DLG2: variants seen among roughly 807,000 people sequenced by gnomAD.
The protein encoded by DLG2 is discs large MAGUK scaffold protein 2.
A neutral mutation model predicts 132.5 loss-of-function variants in DLG2; 45 were observed. The ratio of observed to expected loss-of-function variants is 0.34; its 90% CI spans 0.27 to 0.44. The LOEUF is 0.44. Among genes scored for constraint, DLG2 ranks in the 20% least tolerant of loss-of-function variants. DLG2 has a pLI of 1.00. For missense variants in DLG2, 1,045 were observed against 1,196.9 expected (o/e 0.87, Z 1.87); for synonymous variants, 424 against 419.6 (o/e 1.01, Z -0.13).
Position 83,682,401 on chromosome 11 carries a change from C to T in DLG2, c.1826-49076G>A, listed in dbSNP as rs1014053296. 8 of 985,244 alleles carry T rather than the reference C, an allele frequency of 8.1e-6. No individual in the cohort carries two copies. The East Asian group carries it at 3.4e-4, about 42-fold the overall frequency. The allele number at this position is 985,244 out of a possible 1,614,324, so 61.0% of individuals were successfully genotyped here. A position where few individuals can be genotyped will look rare whatever the true frequency, so the allele number is the denominator to read the frequency against. ...TCTCGCTCACTGGGTACATATATTT[C>T]CTTGTAACTCATCCTGATAAATATA... On this transcript the variant is annotated intron_variant, in intron 18 of 27. Transcript: ENST00000376104.
At chr11:85,427,804 A>C (rs1306671185) in intron 3 of DLG2, among the ~76,000 whole-genome samples, 1 of 152,226 alleles carries the variant, frequency 6.6e-6, no homozygotes, top group Non-Finnish European at 1.5e-5. Flanking sequence ...AATGGACTAA[A>C]TGCTCCAATT....
chr11:84,959,502 G>C (rs2052213332), intron 6 of DLG2, among the ~76,000 whole-genome samples: 1 of 152,112 alleles, frequency 6.6e-6, no homozygotes, highest in Admixed American at 6.6e-5. Flanking sequence ...CTTTGTATCT[G>C]CTTCTTCAAG....
At chr11:84,636,001 A>G (rs2099639929) in intron 6 of DLG2, among the ~76,000 whole-genome samples, 1 of 152,236 alleles carries the variant, frequency 6.6e-6, no homozygotes, top group Admixed American at 6.5e-5. Context: ...AGAACTTGGT[A>G]GTTTACCATG....
intron 4 of DLG2, among the ~76,000 whole-genome samples, chr11:85,225,799 G>A (rs543363974): frequency 9.9e-5 from 15 of 152,048 alleles, no homozygotes; most frequent in Admixed American, 2.6e-4. Context: ...CTAAATTTCT[G>A]ACTACCATTT....
chr11:83,515,043 A>C (rs1346543045), intron 21 of DLG2, among the ~76,000 whole-genome samples: 1 of 152,124 alleles, frequency 6.6e-6, no homozygotes, highest in African/African-American at 2.4e-5. Flanking sequence ...TGGCCTCATA[A>C]AATGAGTTAG....
chr11:84,768,020 C>T (rs1317151855), intron 6 of DLG2, among the ~76,000 whole-genome samples: 1 of 152,150 alleles, frequency 6.6e-6, no homozygotes. Flanking sequence ...AGGACTCAAT[C>T]TGAGTCTCAA....
At chr11:84,098,321 G>A (rs1366480545) in intron 10 of DLG2, among the ~76,000 whole-genome samples, 3 of 152,100 alleles carry the variant, frequency 2.0e-5, no homozygotes, top group Non-Finnish European at 4.4e-5. Flanking sequence ...TTATAGGCGT[G>A]AGCCACTGAG....
intron 18 of DLG2, among the ~76,000 whole-genome samples, chr11:83,745,510 T>C (rs1308962915): frequency 1.3e-5 from 2 of 152,082 alleles, no homozygotes; most frequent in Non-Finnish European, 2.9e-5. Context: ...CTCAAGTCTT[T>C]CCTTTCTTAA....
intron 18 of DLG2, among the ~76,000 whole-genome samples, chr11:83,716,173 C>T (rs1162767790): frequency 3.3e-5 from 5 of 152,124 alleles, no homozygotes; most frequent in South Asian, 4.1e-4. Flanking sequence ...CAGGGAAGCA[C>T]GTGTTTTTTT....
chr11:85,269,805 G>C (rs1051195474), intron 4 of DLG2, among the ~76,000 whole-genome samples: 3 of 152,068 alleles, frequency 2.0e-5, no homozygotes, highest in African/African-American at 7.2e-5. Flanking sequence ...CTATCATTTT[G>C]AAAAGTATGT....
intron 15 of DLG2, among the ~76,000 whole-genome samples, chr11:83,908,483 C>A (rs144848613): frequency 8.6e-5 from 13 of 151,988 alleles, no homozygotes; most frequent in Non-Finnish European, 1.9e-4. Flanking sequence ...TGCACACACA[C>A]GAGCATATGC....
At chr11:83,722,284 C>T (rs979952650) in intron 18 of DLG2, among the ~76,000 whole-genome samples, 5 of 152,038 alleles carry the variant, frequency 3.3e-5, no homozygotes, top group East Asian at 1.9e-4. Flanking sequence ...TAAGAATTTT[C>T]CTGTTTTAAG....
intron 6 of DLG2, among the ~76,000 whole-genome samples, chr11:84,875,037 A>G (rs1192551348): frequency 2.0e-5 from 3 of 151,770 alleles, no homozygotes; most frequent in East Asian, 3.9e-4. Context: ...AAAAAAAAAA[A>G]AGAGAAAGAT....
In DLG2 at chr11:85,493,523, G is replaced by C. The variant is rs117133305; in HGVS notation, c.40+105134C>G. 5.5e-3 allele frequency among the ~76,000 whole-genome samples: 840 copies of C among 152,180 alleles called. 5 individuals are homozygous for C. Among genetic ancestry groups the C allele is most frequent in the Middle Eastern group, 0.01 (3 of 294 alleles). ...ATTTATAAACAATAGAAATTTAGCT[G>C]GGTTCACTGGCATGTGTCTGTAATA... On this transcript the variant is annotated intron_variant, in intron 3 of 27. Transcript: ENST00000376104.
At chr11:84,927,502 A>G (rs1039051460) in intron 6 of DLG2, among the ~76,000 whole-genome samples, 6 of 152,028 alleles carry the variant, frequency 3.9e-5, no homozygotes, top group Non-Finnish European at 7.4e-5. Context: ...TTACTGCCTT[A>G]GAGCATGGGT....
At chr11:84,241,595 A>AG (rs551555169) in intron 8 of DLG2, among the ~76,000 whole-genome samples, 1 of 152,272 alleles carries the variant, frequency 6.6e-6, no homozygotes, top group Admixed American at 6.5e-5. Context: ...AGTGATTCAA[A>AG]AAGAAGAAAA....
intron 5 of DLG2, among the ~76,000 whole-genome samples, chr11:85,120,348 G>T (rs1028590106): frequency 2.0e-5 from 3 of 151,990 alleles, no homozygotes; most frequent in African/African-American, 7.2e-5. Context: ...CAGAACTTTA[G>T]ATTTCTAAGT....
chr11:85,267,977 T>C (rs1426719474), intron 4 of DLG2, among the ~76,000 whole-genome samples: 1 of 152,180 alleles, frequency 6.6e-6, no homozygotes, highest in African/African-American at 2.4e-5. Flanking sequence ...ATCATGAATA[T>C]GTTTGCCAAT....
intron 7 of DLG2, among the ~76,000 whole-genome samples, chr11:84,324,876 A>G (rs1027268437): frequency 1.3e-5 from 2 of 152,096 alleles, no homozygotes; most frequent in African/African-American, 4.8e-5. Context: ...TTTGTATCCT[A>G]TAATTTTGTT....
Sources: allele counts gnomAD v4.1 joint callset (sites outside exome capture counted in the v4.1 genomes callset), GRCh38; gene constraint gnomAD v4.1.1; transcripts MANE v1.5; gene names NCBI Gene and HGNC (gene_info 2026-07-23, HGNC 2026-07-21).